Variants in STX17 observed in about 807,000 individuals in gnomAD.
The protein encoded by STX17 is syntaxin-17.
Under a neutral mutation model 35.9 loss-of-function variants are expected in STX17, and 29 were observed. The observed-to-expected ratio is 0.81, with a 90% CI of 0.60 to 1.10. STX17 has a LOEUF of 1.10. Among genes scored for constraint, STX17 ranks in the 50% least tolerant of loss-of-function variants. STX17 has a pLI of 0.00. For synonymous variants in STX17, 92 were observed against 118.3 expected (o/e 0.78, Z 1.44); for missense variants, 312 against 352.3 (o/e 0.89, Z 0.92).
At chr9:99,934,261 A>G (rs1829182085) in intron 3 of STX17, among the ~76,000 whole-genome samples, 1 of 152,110 alleles carries the variant, frequency 6.6e-6, no homozygotes, top group Non-Finnish European at 1.5e-5. Context: ...ATGAGAACCC[A>G]TTCCAGTGTT....
chr9:99,921,330 T>TA (rs1391613996), intron 2 of STX17, among the ~76,000 whole-genome samples: 2 of 152,130 alleles, frequency 1.3e-5, no homozygotes, highest in African/African-American at 4.8e-5. Context: ...GACTTTTTTT[T>TA]ATATGAATTA....
intron 2 of STX17, among the ~76,000 whole-genome samples, chr9:99,928,069 TCTG>T (rs773516765): frequency 6.6e-6 from 1 of 152,202 alleles, no homozygotes; most frequent in Non-Finnish European, 1.5e-5. Context: ...ACTATTCACA[TCTG>T]CTAACATTTT....
chr9:99,938,677 C>T (rs961518533), intron 3 of STX17, among the ~76,000 whole-genome samples: 8 of 151,686 alleles, frequency 5.3e-5, no homozygotes, highest in Non-Finnish European at 1.2e-4. Context: ...AGTCCAGCTG[C>T]TTGGGAGGCT....
intron 3 of STX17, among the ~76,000 whole-genome samples, chr9:99,950,257 G>T (rs960936414): frequency 3.3e-5 from 5 of 152,078 alleles, no homozygotes; most frequent in African/African-American, 1.2e-4. Flanking sequence ...GGCAGCATGT[G>T]AAGAAATAGG....
In STX17 at chr9:99,969,636, C is replaced by T. The variant is rs953490207; in HGVS notation, c.*963C>T. 4 of 152,424 alleles carry T rather than the reference C, an allele frequency of 2.6e-5. No individual in the cohort carries two copies. Among genetic ancestry groups the T allele is most frequent in the African/African-American group, 9.7e-5 (4 of 41,382 alleles). 9.4% of individuals were successfully genotyped at this position (152,424 alleles called of 1,614,324 possible). A position where few individuals can be genotyped will look rare whatever the true frequency, so the allele number is the denominator to read the frequency against. Reference sequence around the variant, plus strand: ...GAGAAAAAAACCACCAAGAACATTTCCTGGGGCATGTTCCAGTTTTGAGGG... The same window carrying T: ...GAGAAAAAAACCACCAAGAACATTTTCTGGGGCATGTTCCAGTTTTGAGGG... On this transcript the variant is annotated 3_prime_UTR_variant, in exon 8 of 8. Coordinates refer to ENST00000259400, the MANE Select transcript of STX17 (RefSeq NM_017919.3).
rs1220787499 is a variant in STX17 at position 99,915,188 on chromosome 9, A to G, written c.-52A>G. ...ATATTTTTCTTTTAGGTTTTTCTAT[A>G]TGAGTGGAGAAGACAGCTGTTACCA... On this transcript the variant is annotated 5_prime_UTR_variant, in exon 2 of 8. The change creates a new upstream start codon in the 5' untranslated region. Transcript: ENST00000259400. 1 of 1,540,986 alleles carries G rather than the reference A, an allele frequency of 6.5e-7. No individual in the cohort carries two copies. The highest frequency in any genetic ancestry group is 1.4e-5 in the African/African-American group (1 of 71,448).
intron 3 of STX17, among the ~76,000 whole-genome samples, chr9:99,946,988 A>T (rs1357323994): frequency 6.6e-6 from 1 of 151,650 alleles, no homozygotes; most frequent in Non-Finnish European, 1.5e-5. Context: ...TGAATTGTGG[A>T]TGGATGTTTT....
chr9:99,906,856 T>C (rs1259959431), intron 1 of STX17, 150 bp downstream of exon 1: 1 of 152,296 alleles, frequency 6.6e-6, no homozygotes, highest in East Asian at 1.9e-4. Context: ...CCTCCTGTTT[T>C]TCAGAAGTGG....
chr9:99,962,560 TACTC>T (rs1482886547), intron 6 of STX17, among the ~76,000 whole-genome samples: 4 of 152,204 alleles, frequency 2.6e-5, no homozygotes, highest in Admixed American at 2.0e-4. Context: ...ACAAAGTTCT[TACTC>T]AGTACAAACA....
At chr9:99,960,450 T>G (rs1326342597) in intron 6 of STX17, among the ~76,000 whole-genome samples, 8 of 138,406 alleles carry the variant, frequency 5.8e-5, no homozygotes, top group African/African-American at 1.2e-4. Context: ...GTTTTTTGTG[T>G]TTTTTTTTTT....
intron 3 of STX17, 125 bp downstream of exon 3, chr9:99,928,968 A>G: frequency 1.3e-6 from 1 of 798,320 alleles, no homozygotes; most frequent in Non-Finnish European, 1.9e-6. Context: ...ACTTGAGGAT[A>G]CATTTTTAGC....
chr9:99,914,217 T>C (rs1157389082), intron 1 of STX17: 1 of 152,206 alleles, frequency 6.6e-6, no homozygotes, highest in East Asian at 1.9e-4. Context: ...ATTAACATAC[T>C]CAACTTAAAA....
chr9:99,913,489 T>C (rs1166468473), intron 1 of STX17, among the ~76,000 whole-genome samples: 1 of 152,174 alleles, frequency 6.6e-6, no homozygotes, highest in African/African-American at 2.4e-5. Context: ...ACTTGTTTTA[T>C]ATTCAGGCTG....
chr9:99,937,940 C>T (rs1331934657), intron 3 of STX17: 1 of 152,206 alleles, frequency 6.6e-6, no homozygotes, highest in African/African-American at 2.4e-5. Flanking sequence ...TTAGGCTTAA[C>T]TATAGCGCTG....
intron 4 of STX17, among the ~76,000 whole-genome samples, chr9:99,955,348 A>G (rs1234579461): frequency 1.3e-5 from 2 of 152,126 alleles, no homozygotes; most frequent in Non-Finnish European, 2.9e-5. Context: ...TTTGTATTAT[A>G]TGATTCAGAA....
chr9:99,933,661 A>G (rs1359409656), intron 3 of STX17, among the ~76,000 whole-genome samples: 1 of 152,150 alleles, frequency 6.6e-6, no homozygotes, highest in Admixed American at 6.5e-5. Flanking sequence ...CCCCCATCCC[A>G]CATGGCCTTC....
chr9:99,969,718 T>G lies in STX17; in HGVS notation c.*1045T>G, dbSNP rs1829987258. ...CCCAGTCTTCTTTTCAGCTGGTCTC[T>G]GGGGGGAGCTGAGAACTCGCTTGCT... is the stretch of plus-strand genomic sequence containing the variant. On this transcript the variant is annotated 3_prime_UTR_variant, in exon 8 of 8. Coordinates refer to ENST00000259400, the MANE Select transcript of STX17 (RefSeq NM_017919.3). 1 of 152,412 alleles carries G rather than the reference T, an allele frequency of 6.6e-6. No homozygotes were observed. The highest frequency in any genetic ancestry group is 2.1e-4 in the South Asian group (1 of 4,792). 9.4% of individuals were successfully genotyped at this position (152,412 alleles called of 1,614,324 possible).
chr9:99,925,667 A>G (rs1828972591), intron 2 of STX17, among the ~76,000 whole-genome samples: 1 of 152,154 alleles, frequency 6.6e-6, no homozygotes, highest in Non-Finnish European at 1.5e-5. Context: ...AATACTTCCA[A>G]GATGTTGTCC....
intron 3 of STX17, among the ~76,000 whole-genome samples, chr9:99,944,729 T>C (rs1587930125): frequency 6.6e-6 from 1 of 152,126 alleles, no homozygotes; most frequent in Non-Finnish European, 1.5e-5. Flanking sequence ...TTTGTCAGGC[T>C]GGTCTCAAAC....
Sources: allele counts gnomAD v4.1 joint callset (sites outside exome capture counted in the v4.1 genomes callset), GRCh38; gene constraint gnomAD v4.1.1; transcripts MANE v1.5; gene names NCBI Gene and HGNC (gene_info 2026-07-23, HGNC 2026-07-21).